RIPOR2: variants seen among roughly 807,000 people sequenced by gnomAD.
The protein encoded by RIPOR2 is RHO family interacting cell polarization regulator 2.
RIPOR2 carries 39 observed loss-of-function variants against 114.5 expected under a neutral mutation model. That is an observed-to-expected ratio of 0.34 (90% CI 0.26 to 0.44). The LOEUF (loss-of-function observed/expected upper bound fraction) is 0.44, where lower values mean the gene tolerates loss of function less well. Among genes scored for constraint, RIPOR2 ranks in the 20% least tolerant of loss-of-function variants. The pLI, the probability that RIPOR2 is intolerant of heterozygous loss-of-function variation, is 1.00. For missense variants in RIPOR2, 1,007 were observed against 1,255.1 expected (o/e 0.80, Z 2.99); for synonymous variants, 445 against 484.4 (o/e 0.92, Z 1.07).
chr6:25,019,109 G>C (rs1776166436), intron 1 of RIPOR2, among the ~76,000 whole-genome samples: 1 of 152,148 alleles, frequency 6.6e-6, no homozygotes, highest in Non-Finnish European at 1.5e-5. Context: ...ACCTTCAAAG[G>C]TGAGCAGTGA....
Position 24,804,421 on chromosome 6 carries a change from C to G in RIPOR2, c.*1952G>C. 6.7e-6 allele frequency: 1 copy of G among 149,226 alleles called. No homozygotes were observed. The highest frequency in any genetic ancestry group is 1.9e-4 in the East Asian group (1 of 5,166). The allele number at this position is 149,226 out of a possible 1,614,324, so 9.2% of individuals were successfully genotyped here. On this transcript the variant is annotated 3_prime_UTR_variant, in exon 22 of 22. Transcript: ENST00000643898. ...AATACAAAAGATCTGGAATTAATTA[C>G]TCATGCAATAGTCAAAATAAAAAAT...
chr6:25,039,014 T>G (rs1777364903), intron 1 of RIPOR2, among the ~76,000 whole-genome samples: 2 of 152,222 alleles, frequency 1.3e-5, no homozygotes, highest in Admixed American at 6.5e-5. Context: ...GTCCCTCCTA[T>G]CGCCATTCAA....
chr6:24,829,685 C>T (rs1454018173), intron 17 of RIPOR2, among the ~76,000 whole-genome samples: 1 of 152,158 alleles, frequency 6.6e-6, no homozygotes, highest in Non-Finnish European at 1.5e-5. Context: ...TACAATTTAT[C>T]CATTCTCTTG....
At chr6:25,007,606 T>G (rs1003762633) in intron 1 of RIPOR2, among the ~76,000 whole-genome samples, 1 of 152,108 alleles carries the variant, frequency 6.6e-6, no homozygotes, top group Non-Finnish European at 1.5e-5. Context: ...CTTTGGCCTC[T>G]CTAAAAGTCC....
At chr6:24,838,443 T>A (rs968404666) in intron 14 of RIPOR2, among the ~76,000 whole-genome samples, 1 of 152,210 alleles carries the variant, frequency 6.6e-6, no homozygotes, top group Non-Finnish European at 1.5e-5. Context: ...TGTGTATACC[T>A]AGTTAATTTG....
chr6:24,924,381 G>C (rs574987858), intron 1 of RIPOR2, among the ~76,000 whole-genome samples: 2 of 152,240 alleles, frequency 1.3e-5, no homozygotes, highest in African/African-American at 4.8e-5. Context: ...CATCATATGG[G>C]GGAAAGAAGT....
intron 15 of RIPOR2, among the ~76,000 whole-genome samples, chr6:24,833,015 AC>A (rs1405531996): frequency 2.6e-5 from 4 of 152,148 alleles, no homozygotes; most frequent in East Asian, 1.9e-4. Context: ...AGGTTAAGTA[AC>A]CTGCCCAAGG....
Position 24,820,542 on chromosome 6 carries a change from C to T in RIPOR2, c.2869-1917G>A, listed in dbSNP as rs1210725673. ...ATTCCCAAGACCCTTTCTCTCCAGT[C>T]GCTGGCAACCACTAATCTACTCTCC... On this transcript the variant is annotated intron_variant, in intron 19 of 21. Coordinates refer to ENST00000643898, the MANE Select transcript of RIPOR2 (RefSeq NM_001286445.3). Among the ~76,000 whole-genome samples the T allele has an allele frequency of 4.6e-5, 7 of 152,196 alleles. No individual in the cohort carries two copies. The South Asian group carries it at 8.3e-4, about 18-fold the overall frequency.
intron 15 of RIPOR2, among the ~76,000 whole-genome samples, chr6:24,834,279 A>G (rs1581526868): frequency 6.6e-6 from 1 of 152,146 alleles, no homozygotes; most frequent in African/African-American, 2.4e-5. Flanking sequence ...CTCTTCATCT[A>G]TGGTGGAGAA....
intron 1 of RIPOR2, among the ~76,000 whole-genome samples, chr6:24,953,720 A>C (rs1772891652): frequency 6.6e-6 from 1 of 152,216 alleles, no homozygotes; most frequent in African/African-American, 2.4e-5. Context: ...TGAAGACACA[A>C]AGACACAAAG....
At chr6:24,808,322 G>A (rs573100167) in intron 21 of RIPOR2, among the ~76,000 whole-genome samples, 186 of 152,310 alleles carry the variant, frequency 1.2e-3, no homozygotes, top group African/African-American at 4.2e-3. Flanking sequence ...CTTTATAAGC[G>A]CCTGGCTTAC....
intron 1 of RIPOR2, among the ~76,000 whole-genome samples, chr6:24,926,846 T>C (rs1036668587): frequency 6.6e-5 from 10 of 151,878 alleles, no homozygotes; most frequent in African/African-American, 1.9e-4. Context: ...ATCATCATCA[T>C]CACCACCAAC....
At position 24,893,891 on chromosome 6, in the gene RIPOR2, A is replaced by G. The variant is rs112625147; in HGVS notation, c.62-18074T>C. ...AGAGGTCCTAGGCTGTCAGGATCCA[A>G]AGAAACAAATGCGCAATTTGAGCCA... On this transcript the variant is annotated intron_variant, in intron 1 of 21. Transcript: ENST00000643898. 3.3e-3 allele frequency among the ~76,000 whole-genome samples: 505 copies of G among 152,346 alleles called. 3 individuals carry two copies. The highest frequency in any genetic ancestry group is 0.011 in the African/African-American group (473 of 41,586).
At chr6:24,952,443 T>C (rs1330067320) in intron 1 of RIPOR2, among the ~76,000 whole-genome samples, 1 of 152,188 alleles carries the variant, frequency 6.6e-6, no homozygotes, top group African/African-American at 2.4e-5. Context: ...GCAGTGCTTA[T>C]GGATTTTCAT....
chr6:24,869,371 AC>A (rs1172356330), intron 5 of RIPOR2, among the ~76,000 whole-genome samples: 1 of 150,180 alleles, frequency 6.7e-6, no homozygotes, highest in Non-Finnish European at 1.5e-5. Flanking sequence ...AGGCTAGAGC[AC>A]AATGGCACAA....
intron 1 of RIPOR2, among the ~76,000 whole-genome samples, chr6:24,925,442 G>T (rs1047509200): frequency 2.6e-5 from 4 of 152,152 alleles, no homozygotes; most frequent in Non-Finnish European, 5.9e-5. Flanking sequence ...GGTGGGTCAT[G>T]CCTGTAATCC....
In RIPOR2 at chr6:24,870,907, A is replaced by G; in HGVS notation, c.424-18T>C. 6.4e-7 allele frequency: 1 copy of G among 1,562,516 alleles called. No homozygotes were observed. The highest frequency in any genetic ancestry group is 8.7e-7 in the Non-Finnish European group (1 of 1,146,626). ...AGTACACCCTACAATAAAAAAAGGA[A>G]TATCTGCATTTAAACATTATCCTTC... On this transcript the variant is annotated intron_variant, in intron 4 of 21. Transcript: ENST00000643898.
At chr6:24,882,985 A>G (rs1432514666) in intron 1 of RIPOR2, among the ~76,000 whole-genome samples, 2 of 152,338 alleles carry the variant, frequency 1.3e-5, no homozygotes, top group Non-Finnish European at 2.9e-5. Context: ...GGATGAGACC[A>G]GGGCTTTTCT....
At position 25,037,184 on chromosome 6, in the gene RIPOR2, T is replaced by A. The variant is rs1272539542; in HGVS notation, c.76+4667A>T. 1.3e-5 allele frequency among the ~76,000 whole-genome samples: 2 copies of A among 152,162 alleles called. No individual in the cohort carries two copies. Among genetic ancestry groups the A allele is most frequent in the Non-Finnish European group, 2.9e-5 (2 of 68,012 alleles). ...ATTTTAAGGTTGAGGAAGTGGGCAT[T>A]CAGGGAGGTGGAATAAATTGCCCAC... On this transcript the variant is annotated intron_variant, in intron 1 of 13. Transcript: ENST00000510784. This position sits in a 1 kb window ranked among gnomAD's most constrained non-coding sequence, Gnocchi z 4.5.
Sources: gnomAD v4.1 joint callset for allele counts (sites outside exome capture counted in the v4.1 genomes callset) on GRCh38, gnomAD v4.1.1 for gene constraint, Gnocchi (gnomAD v3.1) non-coding constraint, MANE v1.5 for transcripts, NCBI Gene and HGNC (gene_info 2026-07-23, HGNC 2026-07-21) for gene names.